POFUT1: variants seen among roughly 807,000 people sequenced by gnomAD.
The protein encoded by POFUT1 is GDP-fucose protein O-fucosyltransferase 1.
In POFUT1, 16 loss-of-function variants were observed where a neutral mutation model predicts 42.4. The ratio of observed to expected loss-of-function variants is 0.38; its 90% CI spans 0.26 to 0.57. POFUT1 has a LOEUF of 0.57. Ranked by LOEUF, POFUT1 falls within the 20% of genes least tolerant of loss-of-function variation. The pLI, the probability that POFUT1 is intolerant of heterozygous loss-of-function variation, is 0.71. For synonymous variants in POFUT1, 206 were observed against 205.4 expected, an observed-to-expected ratio of 1.00 and a Z score of -0.03; for missense variants, 470 against 504.6, an observed-to-expected ratio of 0.93 and a Z score of 0.66.
At chr20:32,228,743 C>T (rs935931445) in intron 5 of POFUT1, among the ~76,000 whole-genome samples, 2 of 152,202 alleles carry the variant, frequency 1.3e-5, no homozygotes, top group South Asian at 2.1e-4. Flanking sequence ...ATAAAGAGGC[C>T]ACAGTCCAGG....
At chr20:32,231,208 A>G (rs945625986) in intron 6 of POFUT1, 147 bp downstream of exon 6, 15 of 832,102 alleles carry the variant, frequency 1.8e-5, no homozygotes, top group South Asian at 1.5e-4. Flanking sequence ...CCCTCCTTCA[A>G]ACCCCAGCTC....
intron 2 of POFUT1, among the ~76,000 whole-genome samples, chr20:32,211,442 T>G (rs910113626): frequency 5.9e-5 from 9 of 152,132 alleles, no homozygotes; most frequent in South Asian, 2.1e-4. Context: ...CAGCTAATTT[T>G]TGTATTTTTA....
rs35259534 is a variant in POFUT1 at position 32,234,536 on chromosome 20, G to A, written c.1042G>A (p.Asp348Asn). The A allele has an allele frequency of 8.7e-4, 1,412 of 1,614,110 alleles. 19 individuals are homozygous for A. The highest frequency in any genetic ancestry group is 2.0e-4 in the Non-Finnish European group (241 of 1,179,966). Reference sequence around the variant, plus strand: ...CGACCTGTACATCCTCGGCCAAGCCGACCACTTTATTGGCAACTGTGTCTC... The same window carrying A: ...CGACCTGTACATCCTCGGCCAAGCCAACCACTTTATTGGCAACTGTGTCTC... ...QVDLYILGQA[D>N]HFIGNCVSSF... Residue 348 changes from aspartate to asparagine, a missense_variant, in exon 7 of 7, where the codon GAC (aspartate) becomes AAC (asparagine). By Grantham distance (23) the Asp-to-Asn change is conservative. Coordinates refer to ENST00000375749, the MANE Select transcript of POFUT1 (RefSeq NM_015352.2).
At chr20:32,210,653 A>G (rs2047322829) in intron 2 of POFUT1, among the ~76,000 whole-genome samples, 1 of 152,184 alleles carries the variant, frequency 6.6e-6, no homozygotes. Flanking sequence ...ATTTAATGAC[A>G]TGTCCAAGGC....
At position 32,215,337 on chromosome 20, in the gene POFUT1, G is replaced by A; in HGVS notation, c.315G>A (p.Leu105=). The change falls in exon 3 of 7, where the codon TTG becomes TTA. Residue 105 remains leucine, a synonymous_variant. Transcript: ENST00000375749. Reference sequence around the variant, plus strand: ...AGGCTTACCATCGGGTCATCAGCTTGGAGGATTTCATGGAGAAGCTGGCAC... The same window carrying A: ...AGGCTTACCATCGGGTCATCAGCTTAGAGGATTTCATGGAGAAGCTGGCAC... ...PLQAYHRVIS[L]EDFMEKLAPT... is the part of the protein sequence containing the mutation. The A allele has an allele frequency of 6.2e-7, 1 of 1,614,108 alleles. No homozygotes were observed. Among genetic ancestry groups the A allele is most frequent in the Non-Finnish European group, 8.5e-7 (1 of 1,179,980 alleles).
chr20:32,215,183 C>G (rs576695335), intron 2 of POFUT1, 86 bp from the exon 3 acceptor site: 5 of 1,058,380 alleles, frequency 4.7e-6, no homozygotes, highest in African/African-American at 4.7e-5. Context: ...GCCACTGCAC[C>G]TGGCCTGGAG....
intron 4 of POFUT1, 120 bp downstream of exon 4, chr20:32,216,841 G>T: frequency 7.1e-7 from 1 of 1,411,414 alleles, no homozygotes. Flanking sequence ...AAAGGTGCAG[G>T]TGCTCTGTCT....
intron 4 of POFUT1, chr20:32,222,946 G>A: frequency 1.0e-6 from 1 of 984,720 alleles, no homozygotes; most frequent in Non-Finnish European, 1.2e-6. Context: ...CATGCAGAGA[G>A]CTGGAGGGAA....
chr20:32,220,609 G>A (rs1488888087), intron 4 of POFUT1, among the ~76,000 whole-genome samples: 1 of 152,118 alleles, frequency 6.6e-6, no homozygotes, highest in African/African-American at 2.4e-5. Flanking sequence ...TGGGCGTGGT[G>A]GCACACACCT....
Position 32,210,179 on chromosome 20 carries a change from C to G in POFUT1, c.233C>G (p.Pro78Arg). The G allele has an allele frequency of 6.2e-7, 1 of 1,614,172 alleles. No homozygotes were observed. ...PPWIEYQHHK[P>R]PFTNLHVSYQ... is the part of the protein sequence containing the mutation. ...TGGATTGAGTACCAGCATCACAAGC[C>G]TCCTTTCACCAACGTGAGTACTTCC... is the stretch of plus-strand genomic sequence containing the variant. The change falls in exon 2 of 7, where the codon CCT becomes CGT. Residue 78 changes from proline to arginine, a missense_variant. Pro to Arg is a moderately radical substitution (Grantham distance 103, BLOSUM62 -2). Coordinates refer to ENST00000375749, the MANE Select transcript of POFUT1 (RefSeq NM_015352.2).
At chr20:32,211,468 C>T (rs865975103) in intron 2 of POFUT1, among the ~76,000 whole-genome samples, 2 of 152,152 alleles carry the variant, frequency 1.3e-5, no homozygotes, top group African/African-American at 4.8e-5. Flanking sequence ...GACAGGGTTT[C>T]ACCATGTTGG....
At chr20:32,232,296 C>T (rs1417038562) in intron 6 of POFUT1, among the ~76,000 whole-genome samples, 4 of 149,548 alleles carry the variant, frequency 2.7e-5, no homozygotes, top group South Asian at 2.1e-4. Flanking sequence ...GCGAGACCCC[C>T]ATCTCTATTT....
chr20:32,225,483 G>T (rs755016160), intron 4 of POFUT1, among the ~76,000 whole-genome samples: 1 of 150,550 alleles, frequency 6.6e-6, no homozygotes, highest in Non-Finnish European at 1.5e-5. Context: ...CACCGCGCCC[G>T]GTCAACTTTT....
chr20:32,228,878 G>A (rs538097919), intron 5 of POFUT1, among the ~76,000 whole-genome samples: 2 of 152,354 alleles, frequency 1.3e-5, no homozygotes, highest in South Asian at 2.1e-4. Context: ...CTGTTTAAAT[G>A]TGCAGAATCC....
chr20:32,229,365 C>T (rs1308183440), intron 5 of POFUT1, among the ~76,000 whole-genome samples: 7 of 152,064 alleles, frequency 4.6e-5, no homozygotes, highest in South Asian at 4.1e-4. Context: ...ACACAAAACA[C>T]GTAAAAATCT....
At position 32,231,324 on chromosome 20, in the gene POFUT1, C is replaced by A. The variant is rs1249973961; in HGVS notation, c.978+263C>A. ...TATCATTTCTTCTCTCGGGCACTTT[C>A]TGGACTGTATGAGACTGGTGTAGAA... On this transcript the variant is annotated intron_variant, in intron 6 of 6. Coordinates refer to ENST00000375749, the MANE Select transcript of POFUT1 (RefSeq NM_015352.2). 6.4e-6 allele frequency: 3 copies of A among 466,540 alleles called. No homozygotes were observed. In the East Asian group the frequency reaches 1.3e-4, roughly 20 times the overall value. 28.9% of individuals were successfully genotyped at this position (466,540 alleles called of 1,614,324 possible).
At chr20:32,223,370 T>C (rs1285840817) in intron 4 of POFUT1, 2 of 985,350 alleles carry the variant, frequency 2.0e-6, no homozygotes, top group Non-Finnish European at 2.4e-6. Context: ...TCTTGCTGCT[T>C]GTTGGGTCTG....
chr20:32,237,608 G>T lies in POFUT1; in HGVS notation c.*2947G>T. 11 of 303,020 alleles carry T rather than the reference G, an allele frequency of 3.6e-5. 1 individual carries two copies. The highest frequency in any genetic ancestry group is 3.2e-4 in the South Asian group (11 of 34,012). 18.8% of individuals were successfully genotyped at this position (303,020 alleles called of 1,614,324 possible). A position where few individuals can be genotyped will look rare whatever the true frequency, so the allele number is the denominator to read the frequency against. The stretch of plus-strand genomic sequence containing the variant: ...AGGCGAGCTGACATTCTGCAGCCTG[G>T]ACGGCCATGGCAGGAAGCTTTTAGT... On this transcript the variant is annotated 3_prime_UTR_variant, in exon 7 of 7. Transcript: ENST00000375749.
intron 1 of POFUT1, among the ~76,000 whole-genome samples, chr20:32,209,175 C>A (rs1170624690): frequency 6.6e-6 from 1 of 152,204 alleles, no homozygotes; most frequent in Admixed American, 6.5e-5. Context: ...CCAGTCTGCA[C>A]TGCTGCAGGT....
Sources: gnomAD v4.1 joint callset for allele counts (sites outside exome capture counted in the v4.1 genomes callset) on GRCh38, gnomAD v4.1.1 for gene constraint, MANE v1.5 for transcripts, NCBI Gene and HGNC (gene_info 2026-07-23, HGNC 2026-07-21) for gene names.